The following TPM3 variants were observed in gnomAD, a reference collection of about 807,000 sequenced individuals.
TPM3 encodes the protein tropomyosin alpha-3 chain.
In TPM3, 16 loss-of-function variants were observed where a neutral mutation model predicts 43.1. The ratio of observed to expected loss-of-function variants is 0.37; its 90% CI spans 0.25 to 0.56. The LOEUF is 0.56. TPM3 is among the 20% of genes least tolerant of loss of function. The probability of loss-of-function intolerance (pLI) is 0.77; values close to 1 mark genes in which losing one functional copy is unlikely to be tolerated. For missense variants in TPM3, 176 were observed against 337.2 expected, an observed-to-expected ratio of 0.52 and a Z score of 3.74; for synonymous variants, 101 against 116.9, an observed-to-expected ratio of 0.86 and a Z score of 0.88.
downstream of TPM3, chr1:154,156,721 A>T (rs553537598): frequency 5.1e-6 from 1 of 198,004 alleles, no homozygotes; most frequent in Non-Finnish European, 1.0e-5. Context: ...TTTCTCCAGC[A>T]CTGACTGATA....
downstream of TPM3, chr1:154,159,130 A>AGAGTACCAGAAGTAAATT: frequency 6.6e-6 from 5 of 752,316 alleles, no homozygotes; most frequent in Non-Finnish European, 1.2e-5. Flanking sequence ...GAAAGTTAGT[A>AGAGTACCAGAAGTAAATT]GAGTACCAGA....
In TPM3 at chr1:154,166,225, G is replaced by A; in HGVS notation, c.*1712C>T. 1 of 228,988 alleles carries A rather than the reference G, an allele frequency of 4.4e-6. No individual in the cohort carries two copies. The highest frequency in any genetic ancestry group is 8.7e-6 in the Non-Finnish European group (1 of 115,518). 14.2% of individuals were successfully genotyped at this position (228,988 alleles called of 1,614,324 possible). A position where few individuals can be genotyped will look rare whatever the true frequency, so the allele number is the denominator to read the frequency against. On this transcript the variant is annotated 3_prime_UTR_variant, in exon 10 of 10. Coordinates refer to ENST00000651641, the MANE Select transcript of TPM3 (RefSeq NM_152263.4). ...CCTACCTGATTATATCTGTTTAAAA[G>A]AAGAGCAAAAGTGTTTTTAACAGAT...
intron 3 of TPM3, 97 bp downstream of exon 3, chr1:154,176,018 C>A (rs1553249668): frequency 1.3e-6 from 2 of 1,588,074 alleles, no homozygotes; most frequent in African/African-American, 1.3e-5. Flanking sequence ...TCACACGCAG[C>A]CAGAATTGCT....
intron 2 of TPM3, chr1:154,178,038 C>T: frequency 1.6e-6 from 1 of 633,668 alleles, no homozygotes; most frequent in Non-Finnish European, 2.0e-6. Context: ...CCTCACAAAC[C>T]CAACAAGGCC....
At chr1:154,179,809 C>T (rs926121124) in intron 2 of TPM3, among the ~76,000 whole-genome samples, 1 of 152,106 alleles carries the variant, frequency 6.6e-6, no homozygotes. Flanking sequence ...ACCTCAGATC[C>T]ACCCGCCTAG....
chr1:154,157,812 C>T (rs998413750), downstream of TPM3: 5 of 772,122 alleles, frequency 6.5e-6, no homozygotes, highest in African/African-American at 8.5e-5. Context: ...TGCAGAGAAG[C>T]TGCAGACTGA....
chr1:154,169,127 C>T (rs373104778), intron 9 of TPM3, among the ~76,000 whole-genome samples, 178 bp downstream of exon 9: 4 of 152,206 alleles, frequency 2.6e-5, no homozygotes, highest in African/African-American at 9.6e-5. Flanking sequence ...TGAGCCACCG[C>T]GCCCGGCCAT....
At chr1:154,158,898 T>G (rs1460901118), downstream of TPM3, 1 of 773,268 alleles carries the variant, frequency 1.3e-6, no homozygotes, top group Non-Finnish European at 2.4e-6. Context: ...GACAATCAGC[T>G]TTTTGTTGGG....
chr1:154,186,671 T>C (rs1422409386), intron 2 of TPM3, among the ~76,000 whole-genome samples: 1 of 151,752 alleles, frequency 6.6e-6, no homozygotes, highest in Non-Finnish European at 1.5e-5. Flanking sequence ...TGATCTTAGA[T>C]GTGGTTGCAC....
chr1:154,187,190 A>C, intron 2 of TPM3: 2 of 540,260 alleles, frequency 3.7e-6, no homozygotes, highest in Non-Finnish European at 4.7e-6. Flanking sequence ...GGGTCATCCA[A>C]CTTTTAGGGT....
chr1:154,161,092 G>A (rs75547947), downstream of TPM3, among the ~76,000 whole-genome samples: 6,260 of 131,558 alleles, frequency 0.048, 497 homozygotes, highest in African/African-American at 0.17. Context: ...TCTGATTTTC[G>A]AATTTGGGAT....
chr1:154,168,671 G>A (rs866549018), intron 9 of TPM3, among the ~76,000 whole-genome samples: 11 of 151,862 alleles, frequency 7.2e-5, no homozygotes, highest in South Asian at 2.1e-4. Flanking sequence ...ATAGACATGC[G>A]CCACCAAGCC....
chr1:154,171,648 C>G (rs1661589368), intron 5 of TPM3, 160 bp from the exon 6 acceptor site: 1 of 787,930 alleles, frequency 1.3e-6, no homozygotes, highest in Admixed American at 2.0e-5. Flanking sequence ...AGCATCAACC[C>G]TCCTCCCTCT....
At chr1:154,157,871 GT>G, downstream of TPM3, 7 of 683,390 alleles carry the variant, frequency 1.0e-5, no homozygotes, top group Non-Finnish European at 1.9e-5. Context: ...ACATCACCCA[GT>G]TTTGTAGGGC....
chr1:154,167,596 A>G lies in TPM3; in HGVS notation c.*341T>C, dbSNP rs1158763898. 1 of 1,210,266 alleles carries G rather than the reference A, an allele frequency of 8.3e-7. No homozygotes were observed. The highest frequency in any genetic ancestry group is 1.5e-5 in the African/African-American group (1 of 66,352). 75.0% of individuals were successfully genotyped at this position (1,210,266 alleles called of 1,614,324 possible). A position where few individuals can be genotyped will look rare whatever the true frequency, so the allele number is the denominator to read the frequency against. ...TCAGATCAGCTGAGTTTAAATGTCA[A>G]GAAAAAATAGACACACACAAAAGTG... On this transcript the variant is annotated 3_prime_UTR_variant, in exon 10 of 10. Coordinates refer to ENST00000651641, the MANE Select transcript of TPM3 (RefSeq NM_152263.4).
At chr1:154,187,000 A>T (rs1201709511) in intron 2 of TPM3, among the ~76,000 whole-genome samples, 1 of 151,742 alleles carries the variant, frequency 6.6e-6, no homozygotes, top group African/African-American at 2.4e-5. Context: ...ATTAACCTCA[A>T]GGACAGAAGC....
intron 5 of TPM3, chr1:154,172,255 T>G (rs1277218315): frequency 1.2e-6 from 1 of 807,348 alleles, no homozygotes; most frequent in Admixed American, 1.8e-5. Flanking sequence ...ATATGTTATG[T>G]CTGGCAGACG....
chr1:154,170,863 G>C, intron 6 of TPM3, 152 bp from the exon 7 acceptor site: 2 of 654,922 alleles, frequency 3.1e-6, no homozygotes, highest in South Asian at 3.4e-5. Context: ...TGGACAATAG[G>C]TCCTTGAAAT....
chr1:154,172,184 C>A (rs570542170), intron 5 of TPM3: 2 of 1,437,822 alleles, frequency 1.4e-6, no homozygotes, highest in Admixed American at 1.7e-5. Flanking sequence ...AGCAAGAAAA[C>A]AAGCAGCAAA....
Sources: gnomAD v4.1 joint callset for allele counts (sites outside exome capture counted in the v4.1 genomes callset) on GRCh38, gnomAD v4.1.1 for gene constraint, MANE v1.5 for transcripts, NCBI Gene and HGNC (gene_info 2026-07-23, HGNC 2026-07-21) for gene names.